Variants in PLCB1 observed in about 807,000 individuals in gnomAD.
The protein encoded by PLCB1 is 1-phosphatidylinositol 4,5-bisphosphate phosphodiesterase beta-1.
Under a neutral mutation model 161.8 loss-of-function variants are expected in PLCB1, and 46 were observed. That is an observed-to-expected ratio of 0.28 (90% CI 0.22 to 0.36). PLCB1 has a LOEUF of 0.36. PLCB1 is among the 10% of genes least tolerant of loss of function. PLCB1 has a pLI of 1.00. For missense variants in PLCB1, 1,016 were observed against 1,472.5 expected (o/e 0.69, Z 5.07); for synonymous variants, 517 against 503.7 (o/e 1.03, Z -0.35).
At chr20:8,280,507 A>C (rs1982824554) in intron 2 of PLCB1, among the ~76,000 whole-genome samples, 2 of 152,174 alleles carry the variant, frequency 1.3e-5, no homozygotes, top group Admixed American at 6.5e-5. Flanking sequence ...AAATAACTAA[A>C]CCAGTAAACT....
intron 3 of PLCB1, among the ~76,000 whole-genome samples, chr20:8,558,185 A>G (rs1321853164): frequency 6.6e-6 from 1 of 151,986 alleles, no homozygotes; most frequent in African/African-American, 2.4e-5. Flanking sequence ...GGATTGTTTG[A>G]AGCCAAAGGA....
At chr20:8,176,059 A>G (rs1208170085) in intron 2 of PLCB1, among the ~76,000 whole-genome samples, 1 of 152,220 alleles carries the variant, frequency 6.6e-6, no homozygotes, top group Admixed American at 6.5e-5. Flanking sequence ...GAACAGATCA[A>G]TGGTAGGTTA....
chr20:8,779,507 C>CA (rs373073139), intron 27 of PLCB1, among the ~76,000 whole-genome samples: 7,818 of 102,160 alleles, frequency 0.077, 1,426 homozygotes, highest in Non-Finnish European at 0.12. Context: ...CACTTTTGTG[C>CA]AAAAAAAAAA....
intron 31 of PLCB1, among the ~76,000 whole-genome samples, chr20:8,876,442 A>G (rs1282663002): frequency 6.6e-6 from 1 of 152,106 alleles, no homozygotes. Context: ...TTCCAAGAAT[A>G]TGCTTTGAGG....
In PLCB1 at chr20:8,146,232, C is replaced by A. The variant is rs559740881; in HGVS notation, c.100-4062C>A. Among the ~76,000 whole-genome samples the A allele has an allele frequency of 3.3e-5, 5 of 152,120 alleles. No individual in the cohort carries two copies. The East Asian group carries it at 9.6e-4, about 29-fold the overall frequency. On this transcript the variant is annotated intron_variant, in intron 1 of 31. Transcript: ENST00000338037. ...ATAAAAACCTAAAAAGCCTCCCTTG[C>A]AGGGCAATAATGGAAAAAGTTGAGA...
chr20:8,338,034 A>C (rs1985651762), intron 2 of PLCB1, among the ~76,000 whole-genome samples: 2 of 152,330 alleles, frequency 1.3e-5, no homozygotes, highest in South Asian at 4.1e-4. Context: ...CCTGTAACCA[A>C]GACTGTGGTT....
intron 3 of PLCB1, among the ~76,000 whole-genome samples, chr20:8,446,332 G>A (rs227138): frequency 0.37 from 56,627 of 151,952 alleles, 11,081 homozygotes; most frequent in African/African-American, 0.46. Context: ...AATAGATGCA[G>A]AAAAGCCCTT....
rs534339671 is a variant in PLCB1 at position 8,225,068 on chromosome 20, G to A, written c.177+74697G>A. 8.5e-5 allele frequency among the ~76,000 whole-genome samples: 13 copies of A among 152,120 alleles called. No homozygotes were observed. The South Asian group carries it at 2.7e-3, about 32-fold the overall frequency. On this transcript the variant is annotated intron_variant, in intron 2 of 31. Transcript: ENST00000338037. ...TCATAAATACTTTGATCTAAACACC[G>A]TCTTAATTCTCTGCTGTCCCCAAGG...
At chr20:8,214,909 C>A (rs1463462538) in intron 2 of PLCB1, among the ~76,000 whole-genome samples, 1 of 151,638 alleles carries the variant, frequency 6.6e-6, no homozygotes, top group East Asian at 1.9e-4. Context: ...TGAGGTGTGG[C>A]TGTGGAGGGC....
In PLCB1 at chr20:8,724,951, T is replaced by C. The variant is rs1371969961; in HGVS notation, c.1678+199T>C. Among the ~76,000 whole-genome samples the C allele has an allele frequency of 5.3e-5, 8 of 152,286 alleles. No homozygotes were observed. In the East Asian group the frequency reaches 1.5e-3, roughly 29 times the overall value. Reference sequence around the variant, plus strand: ...GTATTGTAATATATAAAAATAACCATATGAGAAAGTATTCTATGGTGTTCT... The same window carrying C: ...GTATTGTAATATATAAAAATAACCACATGAGAAAGTATTCTATGGTGTTCT... On this transcript the variant is annotated intron_variant, in intron 16 of 31. Transcript: ENST00000338037.
At chr20:8,762,162 G>C (rs558430677) in intron 25 of PLCB1, among the ~76,000 whole-genome samples, 78 of 152,132 alleles carry the variant, frequency 5.1e-4, no homozygotes, top group African/African-American at 1.9e-3. Context: ...GTGAGCCAAG[G>C]TTGCGCCATT....
chr20:8,197,305 A>C (rs1482040802), intron 2 of PLCB1, among the ~76,000 whole-genome samples: 1 of 152,108 alleles, frequency 6.6e-6, no homozygotes, highest in Admixed American at 6.6e-5. Flanking sequence ...CTATTTCTCC[A>C]TATCCTCTCC....
At chr20:8,427,068 C>T (rs909731809) in intron 3 of PLCB1, among the ~76,000 whole-genome samples, 2 of 152,052 alleles carry the variant, frequency 1.3e-5, no homozygotes, top group Non-Finnish European at 2.9e-5. Context: ...CCTGCTACCA[C>T]ATCTGGGTAA....
At chr20:8,421,738 C>T (rs1348471754) in intron 3 of PLCB1, among the ~76,000 whole-genome samples, 4 of 152,122 alleles carry the variant, frequency 2.6e-5, no homozygotes, top group Non-Finnish European at 5.9e-5. Flanking sequence ...TAGTAACTTC[C>T]TGCTTAACAT....
intron 3 of PLCB1, among the ~76,000 whole-genome samples, chr20:8,439,938 A>G (rs1980479802): frequency 6.6e-6 from 1 of 152,134 alleles, no homozygotes; most frequent in Non-Finnish European, 1.5e-5. Flanking sequence ...TTAATTAATC[A>G]TATCTTAGGA....
In PLCB1 at chr20:8,667,381, G is replaced by A. The variant is rs144095779; in HGVS notation, c.862+8677G>A. On this transcript the variant is annotated intron_variant, in intron 9 of 31. Transcript: ENST00000338037. ...GTTTGGTATGTTCATAGACTTCTCT[G>A]AAATATTTCAGATTGCCTAAGAATG... is the stretch of plus-strand genomic sequence containing the variant. Among the ~76,000 whole-genome samples, 947 of 152,266 alleles carry A rather than the reference G, an allele frequency of 6.2e-3. 10 individuals carry two copies. The highest frequency in any genetic ancestry group is 0.022 in the African/African-American group (903 of 41,554).
intron 2 of PLCB1, among the ~76,000 whole-genome samples, chr20:8,183,293 G>A (rs558502782): frequency 4.9e-4 from 74 of 152,180 alleles, no homozygotes; most frequent in African/African-American, 1.5e-3. Flanking sequence ...ATGTAAAATG[G>A]AAAAAAACTA....
chr20:8,706,823 C>T (rs1978706620), intron 11 of PLCB1, among the ~76,000 whole-genome samples: 1 of 152,104 alleles, frequency 6.6e-6, no homozygotes, highest in South Asian at 2.1e-4. Flanking sequence ...AATAGATAAC[C>T]ATCATGAGCT....
rs540675118 is a variant in PLCB1, at chr20:8,440,579, T to G, written c.246+69129T>G. Among the ~76,000 whole-genome samples, 6 of 152,304 alleles carry G rather than the reference T, an allele frequency of 3.9e-5. No individual in the cohort carries two copies. The East Asian group carries it at 7.7e-4, about 20-fold the overall frequency. ...ATTCAGTCTTCCCAGGGCTTACCCA[T>G]GTTTCCATATATCCAGAAAGTTTGT... On this transcript the variant is annotated intron_variant, in intron 3 of 31. Transcript: ENST00000338037.
Sources: gnomAD v4.1 joint callset for allele counts (sites outside exome capture counted in the v4.1 genomes callset) on GRCh38, gnomAD v4.1.1 for gene constraint, MANE v1.5 for transcripts, NCBI Gene and HGNC (gene_info 2026-07-23, HGNC 2026-07-21) for gene names.